Variants in TMEM132B observed in about 807,000 individuals in gnomAD.
The protein encoded by TMEM132B is transmembrane protein 132B.
A neutral mutation model predicts 90.8 loss-of-function variants in TMEM132B; 18 were observed. The observed-to-expected ratio is 0.20, with a 90% CI of 0.14 to 0.29. The LOEUF (loss-of-function observed/expected upper bound fraction) is 0.29. TMEM132B is among the 10% of genes least tolerant of loss of function. TMEM132B has a pLI of 1.00. For synonymous variants in TMEM132B, 504 were observed against 523.3 expected, an observed-to-expected ratio of 0.96 and a Z score of 0.50; for missense variants, 1,096 against 1,326.8, an observed-to-expected ratio of 0.83 and a Z score of 2.70.
chr12:125,311,688 T>C (rs1452252505), intron 1 of TMEM132B, among the ~76,000 whole-genome samples: 1 of 152,192 alleles, frequency 6.6e-6, no homozygotes, highest in Non-Finnish European at 1.5e-5. Flanking sequence ...AAAATGCAAA[T>C]CATAGCCCAC....
chr12:125,516,896 C>T (rs1445991795), intron 3 of TMEM132B, among the ~76,000 whole-genome samples: 1 of 152,168 alleles, frequency 6.6e-6, no homozygotes, highest in Non-Finnish European at 1.5e-5. Context: ...TAGGAGGTGA[C>T]TTAACAGATG....
chr12:125,444,918 C>T (rs1239584054), intron 3 of TMEM132B, among the ~76,000 whole-genome samples: 1 of 152,114 alleles, frequency 6.6e-6, no homozygotes, highest in South Asian at 2.1e-4. Flanking sequence ...AGAATTTCCA[C>T]CCTGCTGCCT....
intron 3 of TMEM132B, among the ~76,000 whole-genome samples, chr12:125,483,149 A>G (rs995641402): frequency 7.9e-5 from 12 of 152,120 alleles, no homozygotes; most frequent in Admixed American, 3.3e-4. Context: ...AATGTAAATG[A>G]CGAGTTAATG....
intron 1 of TMEM132B, among the ~76,000 whole-genome samples, chr12:125,304,497 A>G (rs1383505332): frequency 6.6e-6 from 1 of 152,156 alleles, no homozygotes; most frequent in South Asian, 2.1e-4. Context: ...TTGAAAGATC[A>G]TGAAGATTTT....
rs1292821543 is a variant in TMEM132B, at chr12:125,406,543, C to T, written c.960-8988C>T. Among the ~76,000 whole-genome samples, 1 of 152,224 alleles carries T rather than the reference C, an allele frequency of 6.6e-6. No homozygotes were observed. Among genetic ancestry groups the T allele is most frequent in the East Asian group, 1.9e-4 (1 of 5,196 alleles). ...ATGCTCCTCTTTGCATTTCCAAGTG[C>T]TTCATGTGTAGTACCTGAAACTCAA... On this transcript the variant is annotated intron_variant, in intron 2 of 8. Coordinates refer to ENST00000682704, the MANE Select transcript of TMEM132B (RefSeq NM_001366854.1). The surrounding 1 kb of genome is among the most constrained non-coding windows in gnomAD (Gnocchi z 8.3).
intron 1 of TMEM132B, among the ~76,000 whole-genome samples, chr12:125,317,835 C>G (rs1876325830): frequency 6.6e-6 from 1 of 152,120 alleles, no homozygotes; most frequent in South Asian, 2.1e-4. Flanking sequence ...GTTTTTTCCC[C>G]TTAAACAACT....
intron 1 of TMEM132B, among the ~76,000 whole-genome samples, chr12:125,190,536 T>G (rs1593035122): frequency 1.5e-5 from 1 of 68,378 alleles, no homozygotes; most frequent in Non-Finnish European, 2.8e-5. Flanking sequence ...GAAGGGGTGG[T>G]GATGGTGATG....
chr12:125,475,984 G>T (rs1346426271), intron 3 of TMEM132B, among the ~76,000 whole-genome samples: 3 of 152,110 alleles, frequency 2.0e-5, no homozygotes, highest in Admixed American at 6.5e-5. Context: ...GTATTAGTTG[G>T]ATGTGTAACC....
chr12:125,597,581 T>C (rs1885470158), intron 5 of TMEM132B, among the ~76,000 whole-genome samples: 1 of 152,224 alleles, frequency 6.6e-6, no homozygotes, highest in South Asian at 2.1e-4. Flanking sequence ...ATTGTATGTA[T>C]TCAAAAATAT....
intron 3 of TMEM132B, among the ~76,000 whole-genome samples, chr12:125,511,043 A>G (rs912648557): frequency 6.6e-6 from 1 of 152,224 alleles, no homozygotes; most frequent in African/African-American, 2.4e-5. Context: ...AACTGCATCC[A>G]GTAGCAGTCA....
At chr12:125,523,954 C>G (rs1039047096) in intron 4 of TMEM132B, among the ~76,000 whole-genome samples, 1 of 152,232 alleles carries the variant, frequency 6.6e-6, no homozygotes, top group Admixed American at 6.5e-5. Context: ...TCACAGGCAT[C>G]CTCATCCCCA....
intron 4 of TMEM132B, among the ~76,000 whole-genome samples, chr12:125,576,959 T>C (rs11058250): frequency 4.8e-4 from 72 of 151,184 alleles, no homozygotes; most frequent in South Asian, 1.2e-3. Flanking sequence ...TTTCCTGTGA[T>C]GCCTTTCTTT....
chr12:125,232,328 A>G (rs1331886484), intron 1 of TMEM132B, among the ~76,000 whole-genome samples: 2 of 152,122 alleles, frequency 1.3e-5, no homozygotes, highest in Non-Finnish European at 2.9e-5. Context: ...TGTCCATTTG[A>G]AGAAGATAGA....
At chr12:125,199,318 G>A (rs898893379) in intron 1 of TMEM132B, among the ~76,000 whole-genome samples, 2 of 152,192 alleles carry the variant, frequency 1.3e-5, no homozygotes, top group African/African-American at 2.4e-5. Flanking sequence ...GAGAGAGAGA[G>A]GGGGAGGAAA....
intron 2 of TMEM132B, among the ~76,000 whole-genome samples, chr12:125,371,064 G>A (rs986893157): frequency 1.3e-5 from 2 of 152,192 alleles, no homozygotes; most frequent in Non-Finnish European, 2.9e-5. Flanking sequence ...AGTCACTGGT[G>A]TAAGTCCAAG....
chr12:125,332,793 AAT>A (rs1310920394), intron 1 of TMEM132B, among the ~76,000 whole-genome samples: 1 of 152,072 alleles, frequency 6.6e-6, no homozygotes, highest in Non-Finnish European at 1.5e-5. Context: ...AAGACTGGAC[AAT>A]ATTAGTTTTT....
intron 1 of TMEM132B, among the ~76,000 whole-genome samples, chr12:125,305,044 A>T (rs1331776016): frequency 6.6e-6 from 1 of 151,782 alleles, no homozygotes. Flanking sequence ...GTTACTTTTT[A>T]ACTCCCCTGG....
intron 3 of TMEM132B, among the ~76,000 whole-genome samples, chr12:125,464,331 G>A (rs150480767): frequency 6.6e-6 from 1 of 152,260 alleles, no homozygotes; most frequent in East Asian, 1.9e-4. Flanking sequence ...CTTGGGGCAG[G>A]CCATCTCCCT....
At chr12:125,554,549 G>A (rs1028559311) in intron 4 of TMEM132B, among the ~76,000 whole-genome samples, 1 of 151,008 alleles carries the variant, frequency 6.6e-6, no homozygotes, top group South Asian at 2.1e-4. Flanking sequence ...GGATCGTCAT[G>A]CTCTTTTATA....
Sources: allele counts gnomAD v4.1 joint callset (sites outside exome capture counted in the v4.1 genomes callset), GRCh38; gene constraint gnomAD v4.1.1; non-coding constraint Gnocchi (gnomAD v3.1); transcripts MANE v1.5; gene names NCBI Gene and HGNC (gene_info 2026-07-23, HGNC 2026-07-21).